The following SCUBE2 variants were observed in gnomAD, a reference collection of about 807,000 sequenced individuals.
SCUBE2 encodes signal peptide, CUB and EGF-like domain-containing protein 2.
SCUBE2 carries 114 observed loss-of-function variants against 125.9 expected under a neutral mutation model. That is an observed-to-expected ratio of 0.91 (90% CI 0.78 to 1.06). The LOEUF (loss-of-function observed/expected upper bound fraction) is 1.06, where lower values mean the gene tolerates loss of function less well. Among genes scored for constraint, SCUBE2 ranks in the 50% least tolerant of loss-of-function variants. The probability of loss-of-function intolerance (pLI) is 0.00; values close to 1 mark genes in which losing one functional copy is unlikely to be tolerated. For missense variants in SCUBE2, 1,255 were observed against 1,301.8 expected (o/e 0.96, Z 0.55); for synonymous variants, 459 against 492.9 (o/e 0.93, Z 0.91).
chr11:9,046,637 T>C (rs907657389), intron 16 of SCUBE2, among the ~76,000 whole-genome samples: 1 of 152,140 alleles, frequency 6.6e-6, no homozygotes, highest in Non-Finnish European at 1.5e-5. Flanking sequence ...TCCCCACTAT[T>C]TTAGTACGGA....
Position 9,089,752 on chromosome 11 carries a change from A to G in SCUBE2, c.211T>C (p.Cys71Arg), listed in dbSNP as rs774610333. ...LCQNTPTSYKCSCKPGYQGEG... is the reference protein window; with the variant it reads ...LCQNTPTSYKRSCKPGYQGEG... ...CCTTGGTAGCCAGGCTTGCAGGAGC[A>G]CTTGTAGGAGGTGGGTGTGTTCTGA... The change falls in exon 2 of 23, where the codon TGC becomes CGC. Residue 71 changes from cysteine (C) to arginine (R), a missense_variant. Transcript: ENST00000649792. 3 of 1,613,880 alleles carry G rather than the reference A, an allele frequency of 1.9e-6. No individual in the cohort carries two copies. The highest frequency in any genetic ancestry group is 2.5e-6 in the Non-Finnish European group (3 of 1,179,898).
At chr11:9,066,640 G>T in intron 6 of SCUBE2, 57 bp downstream of exon 6, 1 of 1,358,340 alleles carries the variant, frequency 7.4e-7, no homozygotes, top group Non-Finnish European at 1.1e-6. Context: ...TAAGGGGTAG[G>T]GGTAGGGACA....
Position 9,091,557 on chromosome 11 carries a change from G to T in SCUBE2, c.-29C>A. ...TGGCTCAGCGGTTGCGGGCAGAGGC[G>T]GCGGAGTGCGGGCGGTGGCGGCGGC... On this transcript the variant is annotated 5_prime_UTR_variant, in exon 1 of 23. Transcript: ENST00000649792. The surrounding 1 kb of genome is among the most constrained non-coding windows in gnomAD (Gnocchi z 8.5). 1 of 520,834 alleles carries T rather than the reference G, an allele frequency of 1.9e-6. No individual in the cohort carries two copies. Among genetic ancestry groups the T allele is most frequent in the Non-Finnish European group, 2.8e-6 (1 of 358,804 alleles). 32.3% of individuals were successfully genotyped at this position (520,834 alleles called of 1,614,324 possible).
chr11:9,054,726 T>TATATATAGATATATATATATATATA (rs1491239911), intron 10 of SCUBE2, among the ~76,000 whole-genome samples: 4 of 28,432 alleles, frequency 1.4e-4, no homozygotes, highest in Non-Finnish European at 2.7e-4. Flanking sequence ...TATATATATA[T>TATATATAGATATATATATATATATA]TTTTTTTTTT....
intron 21 of SCUBE2, among the ~76,000 whole-genome samples, chr11:9,023,130 A>C (rs1855449573): frequency 1.3e-5 from 2 of 152,232 alleles, no homozygotes; most frequent in South Asian, 4.1e-4. Flanking sequence ...CAAATTAAGC[A>C]TATGCAAAGC....
intron 21 of SCUBE2, chr11:9,022,861 C>T (rs565199401): frequency 2.6e-5 from 4 of 152,420 alleles, no homozygotes; most frequent in Admixed American, 2.6e-4. Flanking sequence ...TCTCACCTCC[C>T]CACCTCCCGC....
At chr11:9,033,355 C>A (rs1856476817) in intron 17 of SCUBE2, among the ~76,000 whole-genome samples, 1 of 152,212 alleles carries the variant, frequency 6.6e-6, no homozygotes, top group South Asian at 2.1e-4. Flanking sequence ...GTATATATTT[C>A]CAGTGAAGAA....
chr11:9,033,939 C>T, intron 16 of SCUBE2, 143 bp from the exon 17 acceptor site: 1 of 758,412 alleles, frequency 1.3e-6, no homozygotes, highest in Non-Finnish European at 2.2e-6. Context: ...GTGTGCCCTG[C>T]CTTGGTTCTC....
intron 8 of SCUBE2, 151 bp from the exon 9 acceptor site, chr11:9,059,576 C>A: frequency 9.8e-7 from 1 of 1,021,634 alleles, no homozygotes; most frequent in Non-Finnish European, 1.4e-6. Context: ...TGTTTTTAAC[C>A]TTATACATGT....
chr11:9,062,036 T>C (rs1157060368), intron 7 of SCUBE2, among the ~76,000 whole-genome samples: 1 of 152,212 alleles, frequency 6.6e-6, no homozygotes, highest in Non-Finnish European at 1.5e-5. Context: ...CTTCTCCTAT[T>C]CTGGCTATAG....
intron 22 of SCUBE2, 36 bp from the exon 23 acceptor site, chr11:9,021,233 T>C: frequency 6.6e-7 from 1 of 1,507,768 alleles, no homozygotes; most frequent in African/African-American, 1.4e-5. Flanking sequence ...TGGGCCAAAA[T>C]ATTTAAATAT....
At chr11:9,030,700 C>T in intron 18 of SCUBE2, 58 bp downstream of exon 18, 1 of 1,548,918 alleles carries the variant, frequency 6.5e-7, no homozygotes, top group South Asian at 1.2e-5. Flanking sequence ...CACGAGACTC[C>T]CATGATACTT....
chr11:9,088,742 T>C (rs1001263902), intron 2 of SCUBE2, among the ~76,000 whole-genome samples: 5 of 152,244 alleles, frequency 3.3e-5, no homozygotes, highest in Admixed American at 6.5e-5. Context: ...ATGAGTTCAG[T>C]GCTCCTCATC....
In SCUBE2 at chr11:9,074,471, G is replaced by A; in HGVS notation, c.517+10C>T. On this transcript the variant is annotated intron_variant, in intron 4 of 22. Transcript: ENST00000649792. ...TGGCTCTGCCCCCATCCACAGCTGG[G>A]CAGAGGTACCTTCCGAGCGGTGAAT... 1.2e-6 allele frequency: 2 copies of A among 1,614,042 alleles called. No individual in the cohort carries two copies. Among genetic ancestry groups the A allele is most frequent in the East Asian group, 2.2e-5 (1 of 44,878 alleles).
chr11:9,090,683 T>C (rs372872053), intron 1 of SCUBE2, among the ~76,000 whole-genome samples: 5 of 151,964 alleles, frequency 3.3e-5, no homozygotes, highest in African/African-American at 1.2e-4. Flanking sequence ...GGGGATGGTG[T>C]CCCCATGGCC....
At chr11:9,046,560 A>G (rs1857800539) in intron 16 of SCUBE2, among the ~76,000 whole-genome samples, 1 of 152,182 alleles carries the variant, frequency 6.6e-6, no homozygotes, top group African/African-American at 2.4e-5. Context: ...TGTAACCCTG[A>G]GAGGCCAGGA....
Position 9,079,460 on chromosome 11 carries a change from A to G in SCUBE2, c.306T>C (p.Cys102=). Residue 102 remains cysteine (C), a synonymous_variant, in exon 3 of 23, where the codon TGT becomes TGC. Coordinates refer to ENST00000649792, the MANE Select transcript of SCUBE2 (RefSeq NM_001367977.2). The part of the protein sequence containing the change: ...NELNGGCVHD[C]LNIPGNYRCT... ...AACGATAATTGCCTGGAATATTCAAACAGTCATGGACACAGCCTCCATTGA... is the reference window on the plus strand; with the variant it reads ...AACGATAATTGCCTGGAATATTCAAGCAGTCATGGACACAGCCTCCATTGA... The G allele has an allele frequency of 1.2e-6, 2 of 1,614,128 alleles. No homozygotes were observed. Among genetic ancestry groups the G allele is most frequent in the Admixed American group, 3.3e-5 (2 of 60,018 alleles).
intron 12 of SCUBE2, 42 bp downstream of exon 12, chr11:9,053,057 C>A: frequency 2.0e-6 from 3 of 1,536,424 alleles, no homozygotes; most frequent in Non-Finnish European, 1.8e-6. Flanking sequence ...AGAGGCCTGG[C>A]CCCAGTGTGA....
In SCUBE2 at chr11:9,047,812, G is replaced by A. The variant is rs546887395; in HGVS notation, c.1795+131C>T. 1.5e-5 allele frequency: 17 copies of A among 1,158,348 alleles called. 1 individual carries two copies. The Middle Eastern group carries it at 6.1e-4, about 42-fold the overall frequency. 71.8% of individuals were successfully genotyped at this position (1,158,348 alleles called of 1,614,324 possible). ...TTCCAAACCAATTCAGTTTAGTTTC[G>A]GGGTGAAAAAAAACAGGAGATACTT... On this transcript the variant is annotated intron_variant, in intron 15 of 22. Transcript: ENST00000649792.
Sources: allele counts gnomAD v4.1 joint callset (sites outside exome capture counted in the v4.1 genomes callset), GRCh38; gene constraint gnomAD v4.1.1; non-coding constraint Gnocchi (gnomAD v3.1); transcripts MANE v1.5; gene names NCBI Gene and HGNC (gene_info 2026-07-23, HGNC 2026-07-21).